Variants in TBRG1 observed in about 807,000 individuals in gnomAD.
The protein encoded by TBRG1 is transforming growth factor beta regulator 1, also known as nuclear interactor of ARF and MDM2.
In TBRG1, 31 loss-of-function variants were observed where a neutral mutation model predicts 44.0. That is an observed-to-expected ratio of 0.70 (90% CI 0.53 to 0.95). The LOEUF (loss-of-function observed/expected upper bound fraction) is 0.95, where lower values mean the gene tolerates loss of function less well. TBRG1 is among the 40% of genes least tolerant of loss of function. The probability of loss-of-function intolerance (pLI) is 0.00; values close to 1 mark genes in which losing one functional copy is unlikely to be tolerated. For missense variants in TBRG1, 487 were observed against 496.1 expected, an observed-to-expected ratio of 0.98 and a Z score of 0.18; for synonymous variants, 171 against 188.1, an observed-to-expected ratio of 0.91 and a Z score of 0.74.
Position 124,632,308 on chromosome 11 carries a change from A to G in TBRG1, c.*70A>G. The G allele has an allele frequency of 7.0e-7, 1 of 1,425,128 alleles. No individual in the cohort carries two copies. Among genetic ancestry groups the G allele is most frequent in the Non-Finnish European group, 9.8e-7 (1 of 1,023,716 alleles). 88.3% of individuals were successfully genotyped at this position (1,425,128 alleles called of 1,614,324 possible). ...TAACTTAAACTAAAATTTTGGGTATATGAAAGAAGGCAGCAATTCAGAAGT... is the reference window on the plus strand; with the variant it reads ...TAACTTAAACTAAAATTTTGGGTATGTGAAAGAAGGCAGCAATTCAGAAGT... On this transcript the variant is annotated 3_prime_UTR_variant, in exon 9 of 9. Coordinates refer to ENST00000441174, the MANE Select transcript of TBRG1 (RefSeq NM_032811.3).
rs1942686913 is a variant in TBRG1 at position 124,634,774 on chromosome 11, C to A, written c.*2536C>A. 1 of 151,968 alleles carries A rather than the reference C, an allele frequency of 6.6e-6. No individual in the cohort carries two copies. Among genetic ancestry groups the A allele is most frequent in the Admixed American group, 6.6e-5 (1 of 15,246 alleles). The allele number at this position is 151,968 out of a possible 1,614,324, so 9.4% of individuals were successfully genotyped here. ...AATTATTTTGGTAAAGTAAGTAAGT[C>A]AAAAACACAGATTACAAAATAATAT... On this transcript the variant is annotated 3_prime_UTR_variant, in exon 9 of 9. Transcript: ENST00000441174.
Position 124,627,036 on chromosome 11 carries a change from G to GC in TBRG1, c.724_725insC (p.Gly242AlafsTer7). The GC allele has an allele frequency of 6.4e-7, 1 of 1,552,316 alleles. No homozygotes were observed. Among genetic ancestry groups the GC allele is most frequent in the Non-Finnish European group, 8.7e-7 (1 of 1,146,580 alleles). ...ATATACCTGTCAGATCAAGGATGGT[G>GC]GTGTGCAGCCTCAGGTACCCCCTCT... On this transcript the variant is annotated frameshift_variant, in exon 5 of 9. Transcript: ENST00000441174. LOFTEE classifies it high-confidence loss of function.
chr11:124,626,258 G>C (rs956524971), intron 3 of TBRG1, among the ~76,000 whole-genome samples: 1 of 152,206 alleles, frequency 6.6e-6, no homozygotes, highest in Non-Finnish European at 1.5e-5. Context: ...GATGAAATAA[G>C]AGGCCTTAAA....
At chr11:124,623,570 T>C in intron 1 of TBRG1, 1 of 380,800 alleles carries the variant, frequency 2.6e-6, no homozygotes, top group South Asian at 2.1e-5. Context: ...CCCTGAGAAT[T>C]AGGCATTATT....
At position 124,625,844 on chromosome 11, in the gene TBRG1, T is replaced by A. The variant is rs527764626; in HGVS notation, c.395T>A (p.Phe132Tyr). Residue 132 changes from phenylalanine to tyrosine, a missense_variant, in exon 3 of 9, where the codon TTT (phenylalanine) becomes TAT (tyrosine). Coordinates refer to ENST00000441174, the MANE Select transcript of TBRG1 (RefSeq NM_032811.3). Reference protein sequence around the residue: ...SGPSTGAEEPFGKKTKKEKKE... With the variant: ...SGPSTGAEEPYGKKTKKEKKE... The stretch of plus-strand genomic sequence containing the variant: ...CCCAGCACTGGGGCTGAGGAACCAT[T>A]TGGGAAGAAAACTAAGAAGGAGAAA... 3.2e-6 allele frequency: 5 copies of A among 1,580,226 alleles called. No individual in the cohort carries two copies. The highest frequency in any genetic ancestry group is 4.3e-6 in the Non-Finnish European group (5 of 1,164,568).
chr11:124,625,137 C>A, intron 2 of TBRG1, 136 bp downstream of exon 2: 1 of 631,952 alleles, frequency 1.6e-6, no homozygotes, highest in South Asian at 2.2e-5. Flanking sequence ...GCCACTTGAT[C>A]AAGCACAGAG....
intron 1 of TBRG1, 152 bp downstream of exon 1, chr11:124,623,385 A>T (rs1942385134): frequency 2.4e-6 from 2 of 844,774 alleles, no homozygotes; most frequent in Non-Finnish European, 2.0e-6. Context: ...TCCTTGGACA[A>T]ATTACGTAAT....
intron 1 of TBRG1, among the ~76,000 whole-genome samples, chr11:124,624,313 A>G (rs1942406173): frequency 6.7e-6 from 1 of 148,824 alleles, no homozygotes; most frequent in Non-Finnish European, 1.5e-5. Context: ...ATTCAGATTC[A>G]GCATTCCCTT....
rs1259835138 is a variant in TBRG1 at position 124,623,007 on chromosome 11, G to T, written c.-77G>T. On this transcript the variant is annotated 5_prime_UTR_variant, in exon 1 of 9. Coordinates refer to ENST00000441174, the MANE Select transcript of TBRG1 (RefSeq NM_032811.3). The stretch of plus-strand genomic sequence containing the variant: ...ATTCCGCTAGCCCGGAACAGACAAA[G>T]CCAGCGCTCCCGCCCGCTCCCCGAC... 2 of 1,429,322 alleles carry T rather than the reference G, an allele frequency of 1.4e-6. No homozygotes were observed. Among genetic ancestry groups the T allele is most frequent in the Non-Finnish European group, 1.8e-6 (2 of 1,082,268 alleles). The allele number at this position is 1,429,322 out of a possible 1,614,324, so 88.5% of individuals were successfully genotyped here. A position where few individuals can be genotyped will look rare whatever the true frequency, so the allele number is the denominator to read the frequency against.
chr11:124,628,116 T>TACACACAC (rs368617758), intron 5 of TBRG1, among the ~76,000 whole-genome samples: 38 of 41,932 alleles, frequency 9.1e-4, no homozygotes, highest in African/African-American at 2.4e-3. Context: ...TATATATATA[T>TACACACAC]ACACACACAC....
rs1942629987 is a variant in TBRG1, at chr11:124,632,141, A to ACCAGCCCATGTAC, written c.1141_1153dup (p.Leu385ProfsTer8). 1 of 1,613,642 alleles carries ACCAGCCCATGTAC rather than the reference A, an allele frequency of 6.2e-7. No homozygotes were observed. The highest frequency in any genetic ancestry group is 2.2e-5 in the East Asian group (1 of 44,868). ...CAGCCTGCAGCCTTTGTGTCTTCTT[A>ACCAGCCCATGTAC]CCAGCCCATGTACCTGACACATGAA... On this transcript the variant is annotated frameshift_variant, in exon 9 of 9. Transcript: ENST00000441174. LOFTEE classifies it high-confidence loss of function.
chr11:124,631,454 C>CTG, intron 8 of TBRG1, 37 bp downstream of exon 8: 1 of 1,607,374 alleles, frequency 6.2e-7, no homozygotes, highest in Non-Finnish European at 8.5e-7. Flanking sequence ...TGAAAATTGA[C>CTG]TGTGTTTAGG....
rs1488764700 is a variant in TBRG1, at chr11:124,632,184, C to T, written c.1182C>T (p.His394=). 8 of 1,613,694 alleles carry T rather than the reference C, an allele frequency of 5.0e-6. No homozygotes were observed. In the East Asian group the frequency reaches 1.8e-4, roughly 36 times the overall value. ...CACATGAACCCTTGGTAGATACTCA[C>T]CTGCAGCACTTGAAGTCTCCATCAC... ...YLTHEPLVDT[H]LQHLKSPSQG... Residue 394 remains histidine (H), a synonymous_variant, in exon 9 of 9, where the codon CAC becomes CAT. Transcript: ENST00000441174.
At position 124,634,584 on chromosome 11, in the gene TBRG1, G is replaced by T. The variant is rs1407298317; in HGVS notation, c.*2346G>T. ...TGTTAAGAACCCTAAGAAATAACTG[G>T]ACGAGTGTGGTATGATGTTTGCATG... On this transcript the variant is annotated 3_prime_UTR_variant, in exon 9 of 9. Coordinates refer to ENST00000441174, the MANE Select transcript of TBRG1 (RefSeq NM_032811.3). 6.6e-6 allele frequency: 1 copy of T among 152,076 alleles called. No homozygotes were observed. Among genetic ancestry groups the T allele is most frequent in the Admixed American group, 6.5e-5 (1 of 15,272 alleles). 9.4% of individuals were successfully genotyped at this position (152,076 alleles called of 1,614,324 possible).
Position 124,630,479 on chromosome 11 carries a change from C to A in TBRG1, c.830C>A (p.Thr277Asn). ...CHAELLRTIS[T>N]TMGKLMPNLL... is the part of the protein sequence containing the mutation. ...GCAGAACTGCTCAGGACTATAAGCA[C>A]TACTATGTAAGTTGACCAAAAGCTT... Residue 277 changes from threonine to asparagine, a missense_variant, in exon 6 of 9, where the codon ACT (threonine) becomes AAT (asparagine). Physicochemically the swap from Thr to Asn is moderately conservative, Grantham distance 65 (BLOSUM62 0). Transcript: ENST00000441174. 1 of 1,610,494 alleles carries A rather than the reference C, an allele frequency of 6.2e-7. No individual in the cohort carries two copies.
In TBRG1 at chr11:124,626,884, TG is replaced by T. The variant is rs1376321437; in HGVS notation, c.592-15del. 6.3e-7 allele frequency: 1 copy of T among 1,599,094 alleles called. No individual in the cohort carries two copies. The highest frequency in any genetic ancestry group is 8.5e-7 in the Non-Finnish European group (1 of 1,171,886). ...TTCTTCAGTGACCTCAATCCCAGGT[TG>T]GGGGAATGTTTTTTATAGATCATCA... is the stretch of plus-strand genomic sequence containing the variant. On this transcript the variant is annotated intron_variant, in intron 4 of 8. Coordinates refer to ENST00000441174, the MANE Select transcript of TBRG1 (RefSeq NM_032811.3).
In TBRG1 at chr11:124,622,938, T is replaced by A; in HGVS notation, c.-146T>A. On this transcript the variant is annotated 5_prime_UTR_variant, in exon 1 of 9. Transcript: ENST00000441174. The stretch of plus-strand genomic sequence containing the variant: ...GTTGCGGGTGTCTCTGGCCCTGCGG[T>A]CAGCCCTGGGAACGTCCCGGAGAGC... 1 of 892,156 alleles carries A rather than the reference T, an allele frequency of 1.1e-6. No homozygotes were observed. The highest frequency in any genetic ancestry group is 1.6e-6 in the Non-Finnish European group (1 of 610,542). 55.3% of individuals were successfully genotyped at this position (892,156 alleles called of 1,614,324 possible). A position where few individuals can be genotyped will look rare whatever the true frequency, so the allele number is the denominator to read the frequency against.
At position 124,635,225 on chromosome 11, in the gene TBRG1, T is replaced by C. The variant is rs1245336253; in HGVS notation, c.*2987T>C. 1 of 152,248 alleles carries C rather than the reference T, an allele frequency of 6.6e-6. No individual in the cohort carries two copies. The highest frequency in any genetic ancestry group is 2.4e-5 in the African/African-American group (1 of 41,432). 9.4% of individuals were successfully genotyped at this position (152,248 alleles called of 1,614,324 possible). The stretch of plus-strand genomic sequence containing the variant: ...TGACTTTTTCTCAGGCATCAATCTG[T>C]TACAAGGTTCATGGTTTCTATGGGG... On this transcript the variant is annotated 3_prime_UTR_variant, in exon 9 of 9. Coordinates refer to ENST00000441174, the MANE Select transcript of TBRG1 (RefSeq NM_032811.3).
chr11:124,632,428 C>G lies in TBRG1; in HGVS notation c.*190C>G. The G allele has an allele frequency of 2.0e-6, 1 of 496,368 alleles. No homozygotes were observed. Among genetic ancestry groups the G allele is most frequent in the Non-Finnish European group, 3.6e-6 (1 of 280,040 alleles). 30.7% of individuals were successfully genotyped at this position (496,368 alleles called of 1,614,324 possible). A position where few individuals can be genotyped will look rare whatever the true frequency, so the allele number is the denominator to read the frequency against. ...CTGCTTTATTTTTAGTAATAAATTT[C>G]TCTTGTCAATTCTGTTTACTTTCAT... is the stretch of plus-strand genomic sequence containing the variant. On this transcript the variant is annotated 3_prime_UTR_variant, in exon 9 of 9. Coordinates refer to ENST00000441174, the MANE Select transcript of TBRG1 (RefSeq NM_032811.3).
Sources: gnomAD v4.1 joint callset for allele counts (sites outside exome capture counted in the v4.1 genomes callset) on GRCh38, gnomAD v4.1.1 for gene constraint, MANE v1.5 for transcripts, NCBI Gene and HGNC (gene_info 2026-07-23, HGNC 2026-07-21) for gene names.